Variants in IFT43 observed in about 807,000 individuals in gnomAD.
The protein encoded by IFT43 is intraflagellar transport protein 43 homolog.
IFT43 carries 33 observed loss-of-function variants against 32.3 expected under a neutral mutation model. That is an observed-to-expected ratio of 1.02 (90% CI 0.77 to 1.37). IFT43 has a LOEUF of 1.37. Among genes scored for constraint, IFT43 ranks in the 40% most tolerant of loss-of-function variants. The probability of loss-of-function intolerance (pLI) is 0.00; values close to 1 mark genes in which losing one functional copy is unlikely to be tolerated. For synonymous variants in IFT43, 93 were observed against 98.2 expected (o/e 0.95, Z 0.31); for missense variants, 274 against 265.9 (o/e 1.03, Z -0.21).
Position 76,083,669 on chromosome 14 carries a change from T to A in IFT43, c.*92T>A, listed in dbSNP as rs774969187. On this transcript the variant is annotated 3_prime_UTR_variant, in exon 9 of 9. Coordinates refer to ENST00000314067, the MANE Select transcript of IFT43 (RefSeq NM_001102564.3). ...GCTCCGAATTTTTACCTGGAATATT[T>A]TGTAATAAAAATATTTATATTCAGT... is the stretch of plus-strand genomic sequence containing the variant. 3 of 1,214,970 alleles carry A rather than the reference T, an allele frequency of 2.5e-6. No homozygotes were observed. The Admixed American group carries it at 5.5e-5, about 22-fold the overall frequency. The allele number at this position is 1,214,970 out of a possible 1,614,324, so 75.3% of individuals were successfully genotyped here. A position where few individuals can be genotyped will look rare whatever the true frequency, so the allele number is the denominator to read the frequency against.
chr14:76,027,889 T>C (rs1032128915), intron 3 of IFT43, among the ~76,000 whole-genome samples: 7 of 152,088 alleles, frequency 4.6e-5, no homozygotes, highest in African/African-American at 9.7e-5. Context: ...AGCTCAAATA[T>C]TGTGTTTCGT....
At chr14:76,026,478 A>G (rs978039149) in intron 3 of IFT43, among the ~76,000 whole-genome samples, 1 of 151,680 alleles carries the variant, frequency 6.6e-6, no homozygotes, top group Non-Finnish European at 1.5e-5. Context: ...GAATTGCTTG[A>G]ACCTGGGAGG....
At chr14:76,058,576 A>G (rs2037069592) in intron 3 of IFT43, 66 bp from the exon 4 acceptor site, 1 of 1,599,658 alleles carries the variant, frequency 6.3e-7, no homozygotes. Flanking sequence ...ACCTTCCTCA[A>G]GATACTACCT....
At chr14:76,021,624 A>T (rs2036294051) in intron 2 of IFT43, among the ~76,000 whole-genome samples, 1 of 152,136 alleles carries the variant, frequency 6.6e-6, no homozygotes, top group Non-Finnish European at 1.5e-5. Flanking sequence ...TGTGTATTTT[A>T]CCATTTACTT....
intron 5 of IFT43, among the ~76,000 whole-genome samples, chr14:76,070,312 C>T (rs147228532): frequency 6.6e-6 from 1 of 152,156 alleles, no homozygotes; most frequent in South Asian, 2.1e-4. Context: ...TTGCTTAATT[C>T]TTTCAGCATA....
chr14:76,015,339 C>T (rs1431697799), intron 2 of IFT43, among the ~76,000 whole-genome samples: 1 of 152,148 alleles, frequency 6.6e-6, no homozygotes, highest in Non-Finnish European at 1.5e-5. Flanking sequence ...GCTAAGCCTG[C>T]CTGTCCCTCC....
At chr14:76,047,682 C>CGCCTGCCTGCCTGCCCGCCT (rs1301390351) in intron 3 of IFT43, among the ~76,000 whole-genome samples, 6 of 151,042 alleles carry the variant, frequency 4.0e-5, no homozygotes, top group African/African-American at 1.5e-4. Context: ...ACTGCCCGCC[C>CGCCTGCCTGCCTGCCCGCCT]GCCTGCCTGC....
chr14:76,022,530 T>C, intron 3 of IFT43, 136 bp downstream of exon 3: 1 of 618,592 alleles, frequency 1.6e-6, no homozygotes, highest in Non-Finnish European at 3.0e-6. Flanking sequence ...CCACTTAAAA[T>C]GCACAATTTA....
intron 3 of IFT43, among the ~76,000 whole-genome samples, chr14:76,032,957 G>A (rs753648097): frequency 1.8e-4 from 28 of 152,194 alleles, no homozygotes; most frequent in Admixed American, 7.2e-4. Context: ...AGGGAAGGCA[G>A]GAGGGACCTG....
chr14:76,013,536 G>T, intron 2 of IFT43: 3 of 159,006 alleles, frequency 1.9e-5, no homozygotes, highest in Non-Finnish European at 4.2e-5. Flanking sequence ...TTTTTGAAAT[G>T]CGGATAACTA....
At chr14:76,080,802 G>A (rs1423876223) in intron 5 of IFT43, among the ~76,000 whole-genome samples, 1 of 152,212 alleles carries the variant, frequency 6.6e-6, no homozygotes, top group African/African-American at 2.4e-5. Context: ...ATAAGAAATA[G>A]AATCTTAGAG....
chr14:76,003,159 G>A (rs529187844), intron 2 of IFT43, among the ~76,000 whole-genome samples: 2 of 152,178 alleles, frequency 1.3e-5, no homozygotes, highest in African/African-American at 2.4e-5. Context: ...TTCTGGTCAC[G>A]TGCTTTTACC....
chr14:76,029,983 T>G (rs928260138), intron 3 of IFT43, among the ~76,000 whole-genome samples: 5 of 151,634 alleles, frequency 3.3e-5, no homozygotes, highest in African/African-American at 1.2e-4. Context: ...TGGGCTCAAG[T>G]GATTCTCCTG....
rs138508639 is a variant in IFT43, at chr14:76,052,803, A to G, written c.216-5839A>G. ...CACTGTTGCGTTGTAAATAAAACAT[A>G]TAATAAATCACAGAACAATTAAGCC... On this transcript the variant is annotated intron_variant, in intron 3 of 8. Coordinates refer to ENST00000314067, the MANE Select transcript of IFT43 (RefSeq NM_001102564.3). 8.9e-3 allele frequency among the ~76,000 whole-genome samples: 1,353 copies of G among 152,376 alleles called. 21 individuals are homozygous for G. Among genetic ancestry groups the G allele is most frequent in the African/African-American group, 0.03 (1,264 of 41,584 alleles).
At chr14:76,030,128 A>G (rs1306227143) in intron 3 of IFT43, among the ~76,000 whole-genome samples, 1 of 151,988 alleles carries the variant, frequency 6.6e-6, no homozygotes, top group Non-Finnish European at 1.5e-5. Flanking sequence ...CAATCGTCCT[A>G]CTTTGGCCTC....
intron 2 of IFT43, among the ~76,000 whole-genome samples, chr14:76,019,332 T>C (rs562032511): frequency 1.3e-5 from 2 of 152,246 alleles, no homozygotes; most frequent in African/African-American, 4.8e-5. Flanking sequence ...TTATTTCTCC[T>C]TCATTTTTGA....
At chr14:76,013,821 G>T in intron 2 of IFT43, 1 of 268,698 alleles carries the variant, frequency 3.7e-6, no homozygotes, top group Non-Finnish European at 7.9e-6. Flanking sequence ...TATGATAAGG[G>T]GGCCTTCAGA....
intron 2 of IFT43, among the ~76,000 whole-genome samples, chr14:76,021,602 A>G (rs1290203053): frequency 6.6e-6 from 1 of 152,190 alleles, no homozygotes; most frequent in Admixed American, 6.5e-5. Flanking sequence ...TGTTATTTGC[A>G]TAGTATTTTC....
intron 5 of IFT43, among the ~76,000 whole-genome samples, chr14:76,065,509 T>C (rs1395182940): frequency 6.6e-6 from 1 of 152,114 alleles, no homozygotes; most frequent in East Asian, 1.9e-4. Context: ...TTCCTCTCTC[T>C]CCCTTGGCCT....
Sources: gnomAD v4.1 joint callset for allele counts (sites outside exome capture counted in the v4.1 genomes callset) on GRCh38, gnomAD v4.1.1 for gene constraint, MANE v1.5 for transcripts, NCBI Gene and HGNC (gene_info 2026-07-23, HGNC 2026-07-21) for gene names.